HAGH: variants seen among roughly 807,000 people sequenced by gnomAD.
The protein encoded by HAGH is hydroxyacylglutathione hydrolase, mitochondrial.
A neutral mutation model predicts 35.1 loss-of-function variants in HAGH; 29 were observed. That is an observed-to-expected ratio of 0.83 (90% CI 0.62 to 1.13). The LOEUF is 1.13. Ranked by LOEUF, HAGH falls within the 50% of genes most tolerant of loss-of-function variation. The pLI is 0.00. For synonymous variants in HAGH, 225 were observed against 176.1 expected (o/e 1.28, Z -2.20); for missense variants, 478 against 419.6 (o/e 1.14, Z -1.22).
At chr16:1,812,954 ACAC>A (rs1897729232) in intron 7 of HAGH, among the ~76,000 whole-genome samples, 1 of 152,286 alleles carries the variant, frequency 6.6e-6, no homozygotes, top group Admixed American at 6.5e-5. Flanking sequence ...AGGAAAGCAA[ACAC>A]CACAAGCACC....
intron 7 of HAGH, among the ~76,000 whole-genome samples, chr16:1,813,312 G>C (rs536422239): frequency 1.1e-4 from 17 of 152,266 alleles, no homozygotes; most frequent in African/African-American, 3.9e-4. Flanking sequence ...AGCAGCCTGA[G>C]GCCTCACCAG....
chr16:1,822,905 G>C lies in HAGH; in HGVS notation c.209C>G (p.Thr70Ser). 1.2e-6 allele frequency: 2 copies of C among 1,613,878 alleles called. No homozygotes were observed. Among genetic ancestry groups the C allele is most frequent in the Non-Finnish European group, 1.7e-6 (2 of 1,179,970 alleles). Residue 70 changes from threonine (T) to serine (S), a missense_variant, in exon 2 of 9, where the codon ACC becomes AGC. Thr to Ser is a moderately conservative substitution (Grantham distance 58, BLOSUM62 1). Coordinates refer to ENST00000397356, the MANE Select transcript of HAGH (RefSeq NM_005326.6). ...NYMYLVIDDE[T>S]KEAAIVDPVQ... is the part of the protein sequence containing the mutation. ...CGGATCCACAATGGCAGCCTCCTTG[G>C]TCTCATCATCAATGACCAGGTACAT...
Position 1,814,558 on chromosome 16 carries a change from AGAAAAT to A in HAGH, c.747+2329_747+2334del, listed in dbSNP as rs573910270. Among the ~76,000 whole-genome samples, 316 of 152,284 alleles carry A rather than the reference AGAAAAT, an allele frequency of 2.1e-3. 5 individuals carry two copies. The highest frequency in any genetic ancestry group is 0.012 in the East Asian group (63 of 5,182). On this transcript the variant is annotated intron_variant, in intron 7 of 8. Transcript: ENST00000397356. ...AACTATTTTCCAAAAGACAATGTTAAGAAAATGAAAAGGCAAGCCATGAGCTGGGAG... is the reference window on the plus strand; with the variant it reads ...AACTATTTTCCAAAAGACAATGTTAAGAAAAGGCAAGCCATGAGCTGGGAG...
intron 3 of HAGH, chr16:1,821,966 T>TTAA (rs1567261754): frequency 3.3e-5 from 7 of 210,954 alleles, no homozygotes; most frequent in Non-Finnish European, 5.6e-5. Context: ...TTTTTTTTTT[T>TTAA]AAAAACCACT....
At chr16:1,823,955 C>T (rs1230458084) in intron 1 of HAGH, among the ~76,000 whole-genome samples, 1 of 152,078 alleles carries the variant, frequency 6.6e-6, no homozygotes, top group African/African-American at 2.4e-5. Context: ...ACACCCCGGA[C>T]TCAGGGACAG....
chr16:1,822,814 A>C, intron 2 of HAGH, 51 bp downstream of exon 2: 1 of 1,515,066 alleles, frequency 6.6e-7, no homozygotes, highest in Non-Finnish European at 9.2e-7. Context: ...GGGGGTGAGG[A>C]CTCCGAGCTG....
chr16:1,808,120 ATTTC>A lies in HAGH; in HGVS notation c.*1159_*1162del, dbSNP rs1222565424. 8 of 152,164 alleles carry A rather than the reference ATTTC, an allele frequency of 5.3e-5. No individual in the cohort carries two copies. In the East Asian group the frequency reaches 1.4e-3, roughly 26 times the overall value. The allele number at this position is 152,164 out of a possible 1,614,324, so 9.4% of individuals were successfully genotyped here. A position where few individuals can be genotyped will look rare whatever the true frequency, so the allele number is the denominator to read the frequency against. ...TACCACTCAACTGCATGATTAATTA[ATTTC>A]TTTGAGACAGGGTCTCCCTGTTCCC... On this transcript the variant is annotated 3_prime_UTR_variant, in exon 9 of 9. Transcript: ENST00000397356.
intron 7 of HAGH, among the ~76,000 whole-genome samples, chr16:1,811,156 G>A (rs1897630855): frequency 6.6e-6 from 1 of 152,240 alleles, no homozygotes; most frequent in Non-Finnish European, 1.5e-5. Context: ...GCTCACGCCT[G>A]TAATCCTAAC....
chr16:1,819,329 G>C, intron 4 of HAGH, 106 bp from the exon 5 acceptor site: 1 of 663,706 alleles, frequency 1.5e-6, no homozygotes, highest in South Asian at 1.9e-5. Flanking sequence ...CAGCTCTGAG[G>C]GAAATGCCCG....
chr16:1,819,960 C>T lies in HAGH; in HGVS notation c.369G>A (p.Val123=). ...KLVKLESGLK[V]YGGDDRIGAL... is the part of the protein sequence containing the mutation. ...CCCCGATACGGTCGTCACCCCCGTA[C>T]ACCTTCAGTCCCGACTCCAGCTTGA... The change falls in exon 4 of 9, where the codon GTG becomes GTA. Residue 123 remains valine, a synonymous_variant. Transcript: ENST00000397356. 1.2e-6 allele frequency: 2 copies of T among 1,613,698 alleles called. 1 individual carries two copies. The highest frequency in any genetic ancestry group is 2.2e-5 in the South Asian group (2 of 91,074).
chr16:1,820,056 G>A (rs1898082108), intron 3 of HAGH, 42 bp from the exon 4 acceptor site: 3 of 247,676 alleles, frequency 1.2e-5, no homozygotes, highest in African/African-American at 7.1e-5. Context: ...GCTGAGCTGA[G>A]GGGGCTGCCT....
chr16:1,811,546 C>A lies in HAGH; in HGVS notation c.748-1713G>T, dbSNP rs192966416. 7.6e-4 allele frequency among the ~76,000 whole-genome samples: 115 copies of A among 151,996 alleles called. 1 individual carries two copies. In the East Asian group the frequency reaches 0.021, roughly 28 times the overall value. ...TGGCCAACATGGTGAAACCCCGTCT[C>A]TACTAAAAATACAAAAATTAGCCAG... On this transcript the variant is annotated intron_variant, in intron 7 of 8. Transcript: ENST00000397356.
Position 1,825,548 on chromosome 16 carries a change from G to C in HAGH, c.76+1164C>G, listed in dbSNP as rs1898362480. ...ACCTGCAGCCTGGGGCCTGGACCAA[G>C]TCCAGAAACATGTTCGGTTTGGCCC... On this transcript the variant is annotated intron_variant, in intron 1 of 8. Coordinates refer to ENST00000397356, the MANE Select transcript of HAGH (RefSeq NM_005326.6). 3.9e-5 allele frequency among the ~76,000 whole-genome samples: 6 copies of C among 152,146 alleles called. No individual in the cohort carries two copies. The South Asian group carries it at 1.0e-3, about 26-fold the overall frequency.
chr16:1,819,681 C>T (rs1244046998), intron 4 of HAGH, among the ~76,000 whole-genome samples: 1 of 152,210 alleles, frequency 6.6e-6, no homozygotes, highest in Non-Finnish European at 1.5e-5. Context: ...TCCCCAGGGT[C>T]TCAGAGCCCT....
At chr16:1,819,083 ACCCCCG>A (rs749335335) in intron 5 of HAGH, 26 bp downstream of exon 5, 20 of 1,364,940 alleles carry the variant, frequency 1.5e-5, no homozygotes, top group Non-Finnish European at 1.9e-5. Flanking sequence ...TTCACGAAGA[ACCCCCG>A]CCCCCACCCA....
chr16:1,809,349 C>T lies in HAGH; in HGVS notation c.861G>A (p.Thr287=), dbSNP rs753523074. The change falls in exon 9 of 9, where the codon ACG becomes ACA. Residue 287 remains threonine, a synonymous_variant. Transcript: ENST00000397356. ...EKTVQQHAGE[T]DPVTTMRAVR... ...CGGCCCGCATGGTGGTCACCGGGTC[C>T]GTCTCACCTGCGTGCTGCTGCACCG... is the stretch of plus-strand genomic sequence containing the variant. 43 of 1,613,134 alleles carry T rather than the reference C, an allele frequency of 2.7e-5. No individual in the cohort carries two copies. The highest frequency in any genetic ancestry group is 1.8e-4 in the South Asian group (16 of 91,092).
At chr16:1,821,089 A>G (rs2268672) in intron 3 of HAGH, among the ~76,000 whole-genome samples, 30,954 of 152,128 alleles carry the variant, frequency 0.2, 3,519 homozygotes, top group South Asian at 0.35. Flanking sequence ...GGTGGCAGCA[A>G]GGGCCTCGCA....
At chr16:1,822,012 C>A in intron 3 of HAGH, 1 of 372,994 alleles carries the variant, frequency 2.7e-6, no homozygotes, top group South Asian at 7.8e-5. Flanking sequence ...ACATTGAGGC[C>A]AACGTGCCAG....
intron 7 of HAGH, chr16:1,810,125 G>GC: frequency 7.9e-6 from 3 of 380,840 alleles, no homozygotes; most frequent in Non-Finnish European, 9.8e-6. Flanking sequence ...CTGTGCTACT[G>GC]CCCTCCAGCC....
Sources: allele counts gnomAD v4.1 joint callset (sites outside exome capture counted in the v4.1 genomes callset), GRCh38; gene constraint gnomAD v4.1.1; transcripts MANE v1.5; gene names NCBI Gene and HGNC (gene_info 2026-07-23, HGNC 2026-07-21).